Variants in DNAI7 observed in about 807,000 individuals in gnomAD.
The protein encoded by DNAI7 is cancer susceptibility 1.
A neutral mutation model predicts 86.6 loss-of-function variants in DNAI7; 78 were observed. That is an observed-to-expected ratio of 0.90 (90% CI 0.75 to 1.09). The LOEUF (loss-of-function observed/expected upper bound fraction) is 1.09. DNAI7 is among the 50% of genes least tolerant of loss of function. The pLI is 0.00. For missense variants in DNAI7, 753 were observed against 810.2 expected (o/e 0.93, Z 0.86); for synonymous variants, 274 against 273.0 (o/e 1.00, Z -0.04).
intron 11 of DNAI7, among the ~76,000 whole-genome samples, chr12:25,120,317 G>GGAGAGAGAGAGA (rs369253749): frequency 0.035 from 2,804 of 80,656 alleles, 315 homozygotes; most frequent in Admixed American, 0.076. Flanking sequence ...GCAGGAAGAG[G>GGAGAGAGAGAGA]GAGAGAGAGA....
intron 4 of DNAI7, among the ~76,000 whole-genome samples, chr12:25,156,390 C>T (rs1381807003): frequency 6.6e-6 from 1 of 152,172 alleles, no homozygotes; most frequent in Non-Finnish European, 1.5e-5. Context: ...TTCAAGCTGT[C>T]AGGCAAAAAT....
chr12:25,146,974 C>A, intron 8 of DNAI7, 27 bp downstream of exon 8: 1 of 1,140,906 alleles, frequency 8.8e-7, no homozygotes, highest in Non-Finnish European at 1.3e-6. Flanking sequence ...TTTCCACCTA[C>A]AGGGAAAGTA....
intron 12 of DNAI7, among the ~76,000 whole-genome samples, chr12:25,115,578 T>C (rs979263313): frequency 1.3e-5 from 2 of 152,152 alleles, no homozygotes; most frequent in Admixed American, 6.5e-5. Flanking sequence ...CTTAAAAAGA[T>C]GATCAACATT....
At position 25,144,556 on chromosome 12, in the gene DNAI7, G is replaced by A; in HGVS notation, c.811C>T (p.Pro271Ser). Residue 271 changes from proline (P) to serine (S), a missense_variant, in exon 9 of 16, where the codon CCT becomes TCT. Physicochemically the swap from Pro to Ser is moderately conservative, Grantham distance 74. Transcript: ENST00000395987. Reference sequence around the variant, plus strand: ...TATTCTTTTGATGGTGTTGAAACAGGGTGCAGTGCAGAAACATGATCATAG... The same window carrying A: ...TATTCTTTTGATGGTGTTGAAACAGAGTGCAGTGCAGAAACATGATCATAG... ...THYDHVSALHPVSTPSKEYTS... is the reference protein window; with the variant it reads ...THYDHVSALHSVSTPSKEYTS... 11 of 1,614,020 alleles carry A rather than the reference G, an allele frequency of 6.8e-6. No individual in the cohort carries two copies. The highest frequency in any genetic ancestry group is 9.3e-6 in the Non-Finnish European group (11 of 1,179,974).
intron 9 of DNAI7, 39 bp from the exon 10 acceptor site, chr12:25,123,325 G>GTC: frequency 1.5e-6 from 2 of 1,343,848 alleles, no homozygotes; most frequent in Non-Finnish European, 2.1e-6. Context: ...GATTGTCAGT[G>GTC]TCTACATAGT....
intron 2 of DNAI7, among the ~76,000 whole-genome samples, chr12:25,183,468 A>G (rs1044449120): frequency 1.3e-5 from 2 of 152,128 alleles, no homozygotes; most frequent in Admixed American, 6.5e-5. Context: ...CTTTATTTCT[A>G]GAAGTGCTTT....
At chr12:25,153,077 C>G (rs914307835) in intron 6 of DNAI7, among the ~76,000 whole-genome samples, 6 of 152,064 alleles carry the variant, frequency 3.9e-5, no homozygotes, top group African/African-American at 1.4e-4. Context: ...TATTTTCTAT[C>G]TCTTTGTCTC....
chr12:25,108,140 G>GA, downstream of DNAI7: 6 of 1,490,566 alleles, frequency 4.0e-6, no homozygotes, highest in Non-Finnish European at 5.5e-6. Context: ...TTTTAGCTGG[G>GA]AAAGTATAGC....
intron 3 of DNAI7, 162 bp from the exon 4 acceptor site, chr12:25,158,725 T>G: frequency 6.8e-7 from 1 of 1,464,802 alleles, no homozygotes; most frequent in Non-Finnish European, 9.0e-7. Context: ...TTCTCCTTTC[T>G]TCAAGACAGT....
At chr12:25,147,484 C>CCG (rs55662471) in intron 7 of DNAI7, among the ~76,000 whole-genome samples, 31 of 138,176 alleles carry the variant, frequency 2.2e-4, no homozygotes, top group Admixed American at 2.2e-3. Flanking sequence ...AGACCACCCC[C>CCG]ATCTCTACAA....
chr12:25,146,460 G>T (rs916561230), intron 8 of DNAI7, among the ~76,000 whole-genome samples: 1 of 150,886 alleles, frequency 6.6e-6, no homozygotes, highest in Non-Finnish European at 1.5e-5. Context: ...TTAGCCAGGT[G>T]TGGTGGCGTG....
At chr12:25,152,665 C>A (rs1328661297) in intron 6 of DNAI7, among the ~76,000 whole-genome samples, 1 of 152,150 alleles carries the variant, frequency 6.6e-6, no homozygotes, top group East Asian at 1.9e-4. Context: ...TGATTTATAA[C>A]AGGCTGATCA....
chr12:25,122,149 T>C (rs537541222), intron 10 of DNAI7, among the ~76,000 whole-genome samples: 91 of 152,228 alleles, frequency 6.0e-4, no homozygotes, highest in African/African-American at 2.1e-3. Flanking sequence ...TATGAAACCA[T>C]ACAATAAGCA....
At chr12:25,145,354 C>T (rs1305390319) in intron 8 of DNAI7, among the ~76,000 whole-genome samples, 1 of 152,172 alleles carries the variant, frequency 6.6e-6, no homozygotes, top group Non-Finnish European at 1.5e-5. Flanking sequence ...ATCCTTACAA[C>T]CCCCACCCCA....
In DNAI7 at chr12:25,158,537, C is replaced by G. The variant is rs1342753940; in HGVS notation, c.133G>C (p.Glu45Gln). 6.2e-7 allele frequency: 1 copy of G among 1,612,924 alleles called. No individual in the cohort carries two copies. Among genetic ancestry groups the G allele is most frequent in the Admixed American group, 1.7e-5 (1 of 59,972 alleles). The change falls in exon 4 of 16, where the codon GAA becomes CAA. Residue 45 changes from glutamate to glutamine, a missense_variant. Coordinates refer to ENST00000395987, the MANE Select transcript of DNAI7 (RefSeq NM_018272.5). ...TGTATTTCAAGCCTTTCCATTTCTT[C>G]TTTCTCATATTTCAAACGGGCTTCC... ...EEEARLKYEK[E>Q]EMERLEIQRI...
At chr12:25,195,028 G>C (rs1592777170) in intron 1 of DNAI7, 48 bp downstream of exon 1, 1 of 1,614,258 alleles carries the variant, frequency 6.2e-7, no homozygotes, top group Middle Eastern at 1.6e-4. Flanking sequence ...TGGTGAAGCA[G>C]AATCAGTGGT....
intron 2 of DNAI7, among the ~76,000 whole-genome samples, chr12:25,166,432 C>G (rs546828528): frequency 1.1e-4 from 16 of 152,280 alleles, no homozygotes; most frequent in African/African-American, 3.9e-4. Flanking sequence ...CACCCTTCAT[C>G]CCAGCCTCTC....
In DNAI7 at chr12:25,113,938, G is replaced by GTTTTT. The variant is rs112532652; in HGVS notation, c.1611+713_1611+717dup. ...ATGTAATTTCTTTCTTTCTTTCTGG[G>GTTTTT]TTTTTTTTTTTTTTTTTTTTTTTTT... On this transcript the variant is annotated intron_variant, in intron 13 of 15. Coordinates refer to ENST00000395987, the MANE Select transcript of DNAI7 (RefSeq NM_018272.5). 5.0e-3 allele frequency among the ~76,000 whole-genome samples: 412 copies of GTTTTT among 82,694 alleles called. 18 individuals carry two copies. The highest frequency in any genetic ancestry group is 0.019 in the South Asian group (40 of 2,096). The allele number at this position is 82,694 out of a possible 152,430, so 54.3% of individuals were successfully genotyped here.
intron 5 of DNAI7, among the ~76,000 whole-genome samples, chr12:25,155,094 C>G (rs998601090): frequency 4.6e-5 from 7 of 152,038 alleles, no homozygotes; most frequent in Admixed American, 1.3e-4. Context: ...GCAATTGAGT[C>G]AGAGTCAAAG....
Sources: gnomAD v4.1 joint callset for allele counts (sites outside exome capture counted in the v4.1 genomes callset) on GRCh38, gnomAD v4.1.1 for gene constraint, MANE v1.5 for transcripts, NCBI Gene and HGNC (gene_info 2026-07-23, HGNC 2026-07-21) for gene names.